SCHIP1: variants seen among roughly 807,000 people sequenced by gnomAD.
SCHIP1 encodes schwannomin interacting protein 1.
SCHIP1 carries 8 observed loss-of-function variants against 29.7 expected under a neutral mutation model. The ratio of observed to expected loss-of-function variants is 0.27; its 90% CI spans 0.16 to 0.49. The LOEUF (loss-of-function observed/expected upper bound fraction) is 0.49. SCHIP1 is among the 20% of genes least tolerant of loss of function. The pLI is 0.99. For missense variants in SCHIP1, 193 were observed against 294.6 expected (o/e 0.66, Z 2.52); for synonymous variants, 76 against 94.9 (o/e 0.80, Z 1.16).
chr3:159,828,398 T>TAC, the SCHIP1 span, among the ~76,000 whole-genome samples: 1 of 63,880 alleles, frequency 1.6e-5, no homozygotes, highest in African/African-American at 5.7e-5. Flanking sequence ...CATATATACG[T>TAC]ATATATATAC....
At chr3:159,784,587 G>A in the SCHIP1 span, among the ~76,000 whole-genome samples, 3 of 152,210 alleles carry the variant, frequency 2.0e-5, no homozygotes, top group African/African-American at 4.8e-5. Context: ...CCCGTCAGTC[G>A]TTTGCTCTTT....
the SCHIP1 span, among the ~76,000 whole-genome samples, chr3:159,350,787 T>G: frequency 6.6e-6 from 1 of 152,166 alleles, no homozygotes; most frequent in South Asian, 2.1e-4. Flanking sequence ...ATCTACCCAT[T>G]TAGCAAAATC....
chr3:159,604,456 G>T, the SCHIP1 span, among the ~76,000 whole-genome samples: 1 of 152,178 alleles, frequency 6.6e-6, no homozygotes, highest in Non-Finnish European at 1.5e-5. Flanking sequence ...GGTGACCACA[G>T]TGAGATCGCT....
chr3:159,555,201 A>G, the SCHIP1 span, among the ~76,000 whole-genome samples: 7 of 152,270 alleles, frequency 4.6e-5, no homozygotes, highest in African/African-American at 1.7e-4. Flanking sequence ...CTACCAAAAG[A>G]TACAAGGAGG....
chr3:159,592,802 A>AG, the SCHIP1 span, among the ~76,000 whole-genome samples: 1 of 152,190 alleles, frequency 6.6e-6, no homozygotes, highest in African/African-American at 2.4e-5. Context: ...TTAAATGAAG[A>AG]GAAAGGAAAC....
At chr3:159,571,379 TGAGATA>T in the SCHIP1 span, among the ~76,000 whole-genome samples, 1 of 152,208 alleles carries the variant, frequency 6.6e-6, no homozygotes, top group Non-Finnish European at 1.5e-5. Context: ...CTGCATCTAT[TGAGATA>T]ATCATGTCGT....
At position 159,878,498 on chromosome 3, in the gene SCHIP1, G is replaced by T. The variant is rs552895467; in HGVS notation, c.150-7709G>T. ...CTCTGTCTCAAAAAAATAAAAATAG[G>T]CCGGGCGCGGTGGCTCACGCCTGTA... On this transcript the variant is annotated intron_variant, in intron 2 of 6. Coordinates refer to ENST00000445224, the Ensembl canonical transcript of SCHIP1. Among the ~76,000 whole-genome samples, 98 of 147,788 alleles carry T rather than the reference G, an allele frequency of 6.6e-4. 1 individual carries two copies. Among genetic ancestry groups the T allele is most frequent in the African/African-American group, 2.4e-3 (96 of 39,840 alleles).
the SCHIP1 span, among the ~76,000 whole-genome samples, chr3:159,707,042 T>C: frequency 1.3e-5 from 2 of 152,186 alleles, no homozygotes; most frequent in South Asian, 4.2e-4. Flanking sequence ...GGAGAGAAGG[T>C]AGACAAAATA....
the SCHIP1 span, among the ~76,000 whole-genome samples, chr3:159,786,836 A>C: frequency 6.6e-6 from 1 of 152,242 alleles, no homozygotes; most frequent in African/African-American, 2.4e-5. Context: ...CTGGGGCCTC[A>C]GTTTACAAGA....
the SCHIP1 span, among the ~76,000 whole-genome samples, chr3:159,649,003 G>T: frequency 3.9e-5 from 6 of 152,158 alleles, no homozygotes; most frequent in Non-Finnish European, 7.4e-5. Context: ...TGTTCTTGGA[G>T]ATGGAAGATA....
At chr3:159,681,144 C>A in the SCHIP1 span, among the ~76,000 whole-genome samples, 1 of 152,020 alleles carries the variant, frequency 6.6e-6, no homozygotes, top group African/African-American at 2.4e-5. Flanking sequence ...AATCTCTCTG[C>A]AGCAAGTGAG....
At chr3:159,745,050 CA>C in the SCHIP1 span, among the ~76,000 whole-genome samples, 31 of 152,260 alleles carry the variant, frequency 2.0e-4, no homozygotes, top group African/African-American at 7.5e-4. Flanking sequence ...GCCAGGTGAG[CA>C]GCTTGTCCTG....
At chr3:159,731,807 A>T in the SCHIP1 span, among the ~76,000 whole-genome samples, 1 of 152,224 alleles carries the variant, frequency 6.6e-6, no homozygotes, top group East Asian at 1.9e-4. Flanking sequence ...TAAGTCCCAC[A>T]TAAAGGGTTT....
At chr3:159,348,663 C>A in the SCHIP1 span, among the ~76,000 whole-genome samples, 1 of 152,122 alleles carries the variant, frequency 6.6e-6, no homozygotes, top group Non-Finnish European at 1.5e-5. Flanking sequence ...ACAACCATTG[C>A]ATTTCCATCT....
intron 2 of SCHIP1, 109 bp downstream of exon 3, chr3:159,866,390 T>A: frequency 9.7e-7 from 1 of 1,026,414 alleles, no homozygotes; most frequent in South Asian, 1.7e-5. Flanking sequence ...TTTTTCCCCC[T>A]CGCATAATAC....
At chr3:159,487,566 C>T in the SCHIP1 span, among the ~76,000 whole-genome samples, 7 of 152,148 alleles carry the variant, frequency 4.6e-5, no homozygotes, top group Non-Finnish European at 7.3e-5. Flanking sequence ...ATAAGCTTGG[C>T]CCAACTCCAC....
the SCHIP1 span, among the ~76,000 whole-genome samples, chr3:159,750,261 G>GTATATA: frequency 6.9e-3 from 80 of 11,610 alleles, no homozygotes; most frequent in African/African-American, 0.012. Context: ...GTATGTGTGT[G>GTATATA]TGTATATATA....
the SCHIP1 span, among the ~76,000 whole-genome samples, chr3:159,823,361 C>T: frequency 6.6e-6 from 1 of 152,176 alleles, no homozygotes; most frequent in Non-Finnish European, 1.5e-5. Flanking sequence ...GAATACCCCT[C>T]AGGTGTCCTA....
chr3:159,458,327 C>G, the SCHIP1 span, among the ~76,000 whole-genome samples: 4 of 152,304 alleles, frequency 2.6e-5, no homozygotes, highest in East Asian at 5.8e-4. Context: ...GGACCTCACT[C>G]TAGCTGCTGA....
Sources: allele counts gnomAD v4.1 joint callset (sites outside exome capture counted in the v4.1 genomes callset), GRCh38; gene constraint gnomAD v4.1.1; transcripts MANE v1.5; gene names NCBI Gene and HGNC (gene_info 2026-07-23, HGNC 2026-07-21).